PTPRN2: variants seen among roughly 807,000 people sequenced by gnomAD.
The protein encoded by PTPRN2 is protein tyrosine phosphatase receptor type N2.
A neutral mutation model predicts 118.8 loss-of-function variants in PTPRN2; 74 were observed. The observed-to-expected ratio is 0.62, with a 90% confidence interval of 0.52 to 0.76. PTPRN2 has a LOEUF of 0.76. Ranked by LOEUF, PTPRN2 falls within the 30% of genes least tolerant of loss-of-function variation. The pLI is 0.00. For synonymous variants in PTPRN2, 641 were observed against 608.0 expected, an observed-to-expected ratio of 1.05 and a Z score of -0.80; for missense variants, 1,481 against 1,394.4, an observed-to-expected ratio of 1.06 and a Z score of -0.99.
intron 1 of PTPRN2, among the ~76,000 whole-genome samples, chr7:158,513,027 C>G (rs895588809): frequency 3.3e-5 from 5 of 152,184 alleles, no homozygotes; most frequent in African/African-American, 1.2e-4. Flanking sequence ...GAGCATGACG[C>G]GTCACTCACG....
At chr7:157,823,184 C>A (rs1224486703) in intron 12 of PTPRN2, among the ~76,000 whole-genome samples, 1 of 152,032 alleles carries the variant, frequency 6.6e-6, no homozygotes, top group Non-Finnish European at 1.5e-5. Flanking sequence ...TATTGAGGAC[C>A]CATATTGTTA....
At chr7:158,157,762 C>G (rs965796179) in intron 6 of PTPRN2, among the ~76,000 whole-genome samples, 1 of 152,232 alleles carries the variant, frequency 6.6e-6, no homozygotes, top group Admixed American at 6.5e-5. Context: ...CCCAGCACCC[C>G]GGGTGCCCTC....
intron 3 of PTPRN2, among the ~76,000 whole-genome samples, chr7:158,297,247 C>T (rs1800567064): frequency 6.6e-6 from 1 of 152,226 alleles, no homozygotes; most frequent in African/African-American, 2.4e-5. Context: ...GATCATCATT[C>T]AGAGAGAGCT....
At chr7:157,606,065 C>T (rs181232535) in intron 15 of PTPRN2, among the ~76,000 whole-genome samples, 1 of 152,360 alleles carries the variant, frequency 6.6e-6, no homozygotes, top group East Asian at 1.9e-4. Flanking sequence ...CTTCGGCTTC[C>T]CTCCCATGCT....
chr7:158,143,738 C>T (rs562426403), intron 6 of PTPRN2, among the ~76,000 whole-genome samples: 9 of 152,292 alleles, frequency 5.9e-5, no homozygotes, highest in East Asian at 3.9e-4. Flanking sequence ...TGTCACGATT[C>T]GCAGGAAGTG....
chr7:158,144,922 A>T (rs1021464100), intron 6 of PTPRN2, among the ~76,000 whole-genome samples: 1 of 152,172 alleles, frequency 6.6e-6, no homozygotes, highest in Non-Finnish European at 1.5e-5. Flanking sequence ...ACAGCAAGCC[A>T]CGTCTCCAGA....
chr7:157,656,854 ACACAC>A (rs752124052), intron 13 of PTPRN2, among the ~76,000 whole-genome samples: 11 of 124,140 alleles, frequency 8.9e-5, no homozygotes, highest in Non-Finnish European at 1.5e-4. Context: ...CCACACACAC[ACACAC>A]ATCACACATA....
At chr7:158,220,730 A>G (rs1162630253) in intron 3 of PTPRN2, among the ~76,000 whole-genome samples, 2 of 152,116 alleles carry the variant, frequency 1.3e-5, no homozygotes, top group Non-Finnish European at 2.9e-5. Context: ...ATGGAACAAC[A>G]TTCCACGCTC....
At chr7:157,573,560 C>A (rs914745508) in intron 19 of PTPRN2, among the ~76,000 whole-genome samples, 1 of 152,218 alleles carries the variant, frequency 6.6e-6, no homozygotes, top group Non-Finnish European at 1.5e-5. Flanking sequence ...AAACCCCAAA[C>A]CCCAAACCAG....
intron 11 of PTPRN2, among the ~76,000 whole-genome samples, chr7:157,915,423 A>G (rs4282442): frequency 0.77 from 114,985 of 148,386 alleles, 44,972 homozygotes; most frequent in African/African-American, 0.85. Context: ...TTAATGTCCT[A>G]AGGGAAAATG....
chr7:157,574,163 G>A (rs221299), intron 19 of PTPRN2, among the ~76,000 whole-genome samples: 145,132 of 152,278 alleles, frequency 0.95, 69,294 homozygotes, highest in Middle Eastern at 1. Context: ...AGAAAAGTTG[G>A]TATCATAGAA....
At chr7:158,343,505 A>T (rs1157922909) in intron 2 of PTPRN2, among the ~76,000 whole-genome samples, 2 of 152,232 alleles carry the variant, frequency 1.3e-5, no homozygotes, top group African/African-American at 4.8e-5. Flanking sequence ...ACACGGGAAA[A>T]GTTCAATGTG....
chr7:157,975,928 T>A (rs975610096), intron 11 of PTPRN2, among the ~76,000 whole-genome samples: 1 of 152,132 alleles, frequency 6.6e-6, no homozygotes, highest in Non-Finnish European at 1.5e-5. Context: ...AGAGATAGGC[T>A]TTGGACAAAG....
At chr7:158,058,770 G>A in intron 11 of PTPRN2, among the ~76,000 whole-genome samples, 1 of 106,644 alleles carries the variant, frequency 9.4e-6, no homozygotes, top group South Asian at 4.0e-4. Context: ...TGCCCACGGT[G>A]AGACATCACT....
At position 158,167,268 on chromosome 7, in the gene PTPRN2, G is replaced by T. The variant is rs751764243; in HGVS notation, c.573C>A (p.Ser191Arg). 12 of 1,606,046 alleles carry T rather than the reference G, an allele frequency of 7.5e-6. No homozygotes were observed. In the East Asian group the frequency reaches 2.5e-4, roughly 33 times the overall value. Reference protein sequence around the residue: ...PAEGDDRFSESILTYVAHTSA... With the variant: ...PAEGDDRFSERILTYVAHTSA... ...ACGTGTGGGCCACATAGGTCAGGAT[G>T]CTCTCGGAGAAGCGGTCATCACCCT... Residue 191 changes from serine to arginine, a missense_variant, in exon 6 of 23, where the codon AGC becomes AGA. Physicochemically the swap from Ser to Arg is moderately radical, Grantham distance 110. This residue lies in a region of PTPRN2 where 1,115 missense variants were observed against 994.2 expected (regional missense o/e 1.12). Transcript: ENST00000389418.
At chr7:157,719,045 G>C (rs775527062) in intron 12 of PTPRN2, among the ~76,000 whole-genome samples, 8 of 152,130 alleles carry the variant, frequency 5.3e-5, no homozygotes, top group Non-Finnish European at 8.8e-5. Flanking sequence ...CCAGGAGGGG[G>C]TCTCCCCAGG....
intron 3 of PTPRN2, among the ~76,000 whole-genome samples, chr7:158,276,896 G>A (rs1250962267): frequency 6.6e-6 from 1 of 152,172 alleles, no homozygotes; most frequent in Non-Finnish European, 1.5e-5. Flanking sequence ...GGGCCGAGGG[G>A]GCCATATGCT....
intron 14 of PTPRN2, 52 bp from the exon 15 acceptor site, chr7:157,621,561 G>C (rs375805197): frequency 4.4e-6 from 7 of 1,597,050 alleles, no homozygotes; most frequent in Non-Finnish European, 6.0e-6. Flanking sequence ...AGCCCAGACC[G>C]GCAGATGCAC....
At chr7:158,080,931 C>G (rs1476851828) in intron 11 of PTPRN2, among the ~76,000 whole-genome samples, 1 of 152,198 alleles carries the variant, frequency 6.6e-6, no homozygotes, top group Non-Finnish European at 1.5e-5. Flanking sequence ...TGCACGTGCT[C>G]TGCACACACT....
Sources: gnomAD v4.1 joint callset for allele counts (sites outside exome capture counted in the v4.1 genomes callset) on GRCh38, gnomAD v4.1.1 for gene constraint, gnomAD v4.1.1 regional missense constraint, MANE v1.5 for transcripts, NCBI Gene and HGNC (gene_info 2026-07-23, HGNC 2026-07-21) for gene names.